Variants in DAB1 observed in about 807,000 individuals in gnomAD.
DAB1 encodes the protein DAB adaptor protein 1.
Under a neutral mutation model 64.6 loss-of-function variants are expected in DAB1, and 15 were observed. The observed-to-expected ratio is 0.23, with a 90% CI of 0.16 to 0.36. DAB1 has a LOEUF of 0.36. Among genes scored for constraint, DAB1 ranks in the 10% least tolerant of loss-of-function variants. DAB1 has a pLI of 1.00. For missense variants in DAB1, 596 were observed against 706.7 expected, an observed-to-expected ratio of 0.84 and a Z score of 1.78; for synonymous variants, 235 against 251.9, an observed-to-expected ratio of 0.93 and a Z score of 0.64.
intron 5 of DAB1, among the ~76,000 whole-genome samples, chr1:57,952,582 CAG>C (rs1245366973): frequency 6.6e-6 from 1 of 152,084 alleles, no homozygotes; most frequent in African/African-American, 2.4e-5. Flanking sequence ...TAAAGGCAAA[CAG>C]AGCACAGACT....
chr1:58,093,499 C>A (rs578241822), intron 5 of DAB1, among the ~76,000 whole-genome samples: 1 of 151,730 alleles, frequency 6.6e-6, no homozygotes, highest in Admixed American at 6.6e-5. Flanking sequence ...TTGTGAACTG[C>A]GCATGTGAGG....
intron 3 of DAB1, among the ~76,000 whole-genome samples, chr1:58,463,513 T>G (rs1222588012): frequency 6.6e-6 from 1 of 152,320 alleles, no homozygotes; most frequent in East Asian, 1.9e-4. Flanking sequence ...AATCTTCATG[T>G]TCAAGGCATA....
At chr1:58,467,055 G>C (rs1408736399) in intron 3 of DAB1, among the ~76,000 whole-genome samples, 1 of 152,198 alleles carries the variant, frequency 6.6e-6, no homozygotes, top group Non-Finnish European at 1.5e-5. Flanking sequence ...GGGACAAGTG[G>C]GACCAGAGAG....
intron 4 of DAB1, among the ~76,000 whole-genome samples, chr1:58,231,711 T>C (rs1659780412): frequency 6.6e-6 from 1 of 152,214 alleles, no homozygotes; most frequent in South Asian, 2.1e-4. Flanking sequence ...TGCTTTGTGC[T>C]ACATGATGAC....
chr1:57,346,025 C>A (rs1465906277), intron 1 of DAB1, among the ~76,000 whole-genome samples: 1 of 152,130 alleles, frequency 6.6e-6, no homozygotes, highest in African/African-American at 2.4e-5. Flanking sequence ...ACCCTGAGAT[C>A]GAGAGAAGAA....
At chr1:57,576,734 TG>T (rs1457293051) in intron 7 of DAB1, among the ~76,000 whole-genome samples, 1 of 152,216 alleles carries the variant, frequency 6.6e-6, no homozygotes, top group East Asian at 1.9e-4. Flanking sequence ...TGATATATAC[TG>T]CCTACAGCAA....
At chr1:58,260,822 G>T (rs191466427) in intron 4 of DAB1, among the ~76,000 whole-genome samples, 2 of 152,084 alleles carry the variant, frequency 1.3e-5, no homozygotes, top group African/African-American at 4.8e-5. Context: ...CCTCTGCCAT[G>T]CTCTACCTCA....
At chr1:57,317,158 C>G (rs1013474303) in intron 1 of DAB1, among the ~76,000 whole-genome samples, 2 of 152,172 alleles carry the variant, frequency 1.3e-5, no homozygotes, top group African/African-American at 4.8e-5. Flanking sequence ...CTCCGGCAAA[C>G]AGCCTAAGAA....
At chr1:57,867,768 C>A (rs937640010) in intron 1 of DAB1, among the ~76,000 whole-genome samples, 2 of 152,136 alleles carry the variant, frequency 1.3e-5, no homozygotes, top group Admixed American at 6.6e-5. Context: ...GATAGTCAAA[C>A]AAGCACACCA....
chr1:57,652,124 A>G (rs947020616), intron 6 of DAB1, among the ~76,000 whole-genome samples: 1 of 152,212 alleles, frequency 6.6e-6, no homozygotes, highest in African/African-American at 2.4e-5. Context: ...GCTATTATTC[A>G]AAGTTCACAA....
chr1:57,662,438 C>T (rs1022470573), intron 6 of DAB1, among the ~76,000 whole-genome samples: 8 of 152,072 alleles, frequency 5.3e-5, no homozygotes, highest in Non-Finnish European at 1.0e-4. Flanking sequence ...TCAGGTGATC[C>T]GCCCATCTCC....
intron 5 of DAB1, among the ~76,000 whole-genome samples, chr1:58,132,867 A>C (rs976018933): frequency 2.0e-5 from 3 of 152,136 alleles, no homozygotes; most frequent in African/African-American, 7.2e-5. Context: ...AAGTGAATTA[A>C]CATAATCCAG....
intron 6 of DAB1, among the ~76,000 whole-genome samples, chr1:57,685,539 T>C (rs1646686286): frequency 6.6e-6 from 1 of 152,186 alleles, no homozygotes; most frequent in Non-Finnish European, 1.5e-5. Context: ...GGACTTAAAG[T>C]TGACACTAGA....
intron 7 of DAB1, among the ~76,000 whole-genome samples, chr1:57,538,220 G>A (rs1489777468): frequency 6.6e-6 from 1 of 152,128 alleles, no homozygotes; most frequent in Non-Finnish European, 1.5e-5. Context: ...ATGTTTTCCT[G>A]GCTTAGACTG....
intron 3 of DAB1, among the ~76,000 whole-genome samples, chr1:58,431,017 T>C (rs1428976358): frequency 2.0e-5 from 3 of 152,224 alleles, no homozygotes; most frequent in Non-Finnish European, 4.4e-5. Flanking sequence ...CTGAGGTCTA[T>C]GACACATAGT....
At chr1:57,607,641 GT>G (rs1645673557) in intron 7 of DAB1, among the ~76,000 whole-genome samples, 2 of 152,122 alleles carry the variant, frequency 1.3e-5, no homozygotes, top group South Asian at 4.1e-4. Flanking sequence ...ACACCGCCCA[GT>G]TCAAATTTTA....
intron 3 of DAB1, among the ~76,000 whole-genome samples, chr1:58,397,027 T>TG (rs1204539803): frequency 6.7e-6 from 1 of 148,292 alleles, no homozygotes; most frequent in Non-Finnish European, 1.5e-5. Context: ...ATCGCACTAC[T>TG]GCACTCTAGC....
intron 5 of DAB1, among the ~76,000 whole-genome samples, chr1:57,991,570 G>A (rs577102113): frequency 2.0e-5 from 3 of 152,196 alleles, no homozygotes; most frequent in East Asian, 1.9e-4. Context: ...GCCCAAGACC[G>A]GGCATGATGG....
chr1:57,625,473 G>C (rs1645911642), intron 7 of DAB1, among the ~76,000 whole-genome samples: 1 of 152,096 alleles, frequency 6.6e-6, no homozygotes, highest in South Asian at 2.1e-4. Flanking sequence ...GGGTTTTATG[G>C]GGGAGGCAAA....
Sources: gnomAD v4.1 joint callset for allele counts (sites outside exome capture counted in the v4.1 genomes callset) on GRCh38, gnomAD v4.1.1 for gene constraint, MANE v1.5 for transcripts, NCBI Gene and HGNC (gene_info 2026-07-23, HGNC 2026-07-21) for gene names.